MAP2: variants seen among roughly 807,000 people sequenced by gnomAD.
MAP2 encodes the protein microtubule associated protein 2.
A neutral mutation model predicts 137.6 loss-of-function variants in MAP2; 14 were observed. The ratio of observed to expected loss-of-function variants is 0.10; its 90% CI spans 0.07 to 0.16. The LOEUF (loss-of-function observed/expected upper bound fraction) is 0.16, where lower values mean the gene tolerates loss of function less well. MAP2 is among the 10% of genes least tolerant of loss of function. The pLI is 1.00. For synonymous variants in MAP2, 786 were observed against 782.3 expected, an observed-to-expected ratio of 1.00 and a Z score of -0.08; for missense variants, 2,088 against 2,191.5, an observed-to-expected ratio of 0.95 and a Z score of 0.94.
chr2:209,588,931 C>T (rs2078495763), intron 3 of MAP2, among the ~76,000 whole-genome samples: 1 of 152,020 alleles, frequency 6.6e-6, no homozygotes, highest in Non-Finnish European at 1.5e-5. Context: ...AACTCATGAG[C>T]CTGAGAAATT....
At chr2:209,680,692 T>A in intron 6 of MAP2, 58 bp from the exon 7 acceptor site, 1 of 1,433,406 alleles carries the variant, frequency 7.0e-7, no homozygotes, top group South Asian at 1.1e-5. Context: ...TTCCTACACA[T>A]CTACCAGCCT....
intron 3 of MAP2, among the ~76,000 whole-genome samples, chr2:209,614,131 C>G (rs2088105505): frequency 6.6e-6 from 1 of 152,028 alleles, no homozygotes; most frequent in African/African-American, 2.4e-5. Flanking sequence ...TGTGCCCCTC[C>G]TCCTGTGTTG....
intron 3 of MAP2, among the ~76,000 whole-genome samples, chr2:209,619,201 A>C (rs940618577): frequency 1.3e-5 from 2 of 152,042 alleles, no homozygotes; most frequent in Admixed American, 1.3e-4. Flanking sequence ...AATTCAAGAG[A>C]TCTATTATAC....
Position 209,678,539 on chromosome 2 carries a change from CGTTATATTTTATTTT to C in MAP2, c.263-28_263-14del. 8.9e-7 allele frequency: 1 copy of C among 1,119,350 alleles called. No homozygotes were observed. Among genetic ancestry groups the C allele is most frequent in the Non-Finnish European group, 1.3e-6 (1 of 774,438 alleles). The allele number at this position is 1,119,350 out of a possible 1,614,324, so 69.3% of individuals were successfully genotyped here. A position where few individuals can be genotyped will look rare whatever the true frequency, so the allele number is the denominator to read the frequency against. On this transcript the variant is annotated intron_variant, in intron 5 of 15. Transcript: ENST00000682079. ...CTCTTTGCTTTCTCAGACTTCTCAT[CGTTATATTTTATTTT>C]GTTACTGTTTATTACAGAGGAGGTG... is the stretch of plus-strand genomic sequence containing the variant.
At chr2:209,628,881 C>A (rs1055403754) in intron 4 of MAP2, among the ~76,000 whole-genome samples, 1 of 152,140 alleles carries the variant, frequency 6.6e-6, no homozygotes, top group Non-Finnish European at 1.5e-5. Context: ...CAAGGGTTAC[C>A]ATGGAACAAT....
intron 5 of MAP2, among the ~76,000 whole-genome samples, chr2:209,676,222 G>A (rs1404552666): frequency 6.6e-6 from 1 of 151,898 alleles, no homozygotes; most frequent in Non-Finnish European, 1.5e-5. Flanking sequence ...TAAAGAACAA[G>A]ATCATGTATT....
intron 1 of MAP2, among the ~76,000 whole-genome samples, chr2:209,473,506 G>T (rs1416312333): frequency 6.6e-6 from 1 of 152,018 alleles, no homozygotes; most frequent in Non-Finnish European, 1.5e-5. Flanking sequence ...GTTTGCTTTT[G>T]TCACATATGT....
At chr2:209,474,250 G>A (rs1454990300) in intron 1 of MAP2, among the ~76,000 whole-genome samples, 1 of 152,112 alleles carries the variant, frequency 6.6e-6, no homozygotes, top group Non-Finnish European at 1.5e-5. Flanking sequence ...CTAAGTTTTA[G>A]GAAGTCACTG....
chr2:209,693,721 G>A lies in MAP2; in HGVS notation c.1551G>A (p.Leu517=). 1.2e-6 allele frequency: 2 copies of A among 1,613,152 alleles called. No individual in the cohort carries two copies. The highest frequency in any genetic ancestry group is 1.7e-5 in the Admixed American group (1 of 59,856). The change falls in exon 8 of 16, where the codon CTG becomes CTA. Residue 517 remains leucine, a synonymous_variant. Transcript: ENST00000682079. ...VTDSAMTSKT[L]EKAMTEPSAL... ...ATTCAGCCATGACCTCTAAAACACT[G>A]GAGAAAGCCATGACCGAACCATCTG... is the stretch of plus-strand genomic sequence containing the variant.
intron 3 of MAP2, among the ~76,000 whole-genome samples, chr2:209,602,346 G>A (rs1010217384): frequency 6.6e-6 from 1 of 152,100 alleles, no homozygotes; most frequent in African/African-American, 2.4e-5. Flanking sequence ...ATTAACAAAG[G>A]ATGCAAAGGT....
chr2:209,621,307 G>A (rs1222507426), intron 3 of MAP2, among the ~76,000 whole-genome samples: 2 of 142,456 alleles, frequency 1.4e-5, no homozygotes, highest in African/African-American at 5.4e-5. Flanking sequence ...CACCCAGGCT[G>A]GAGTACAATG....
intron 3 of MAP2, among the ~76,000 whole-genome samples, chr2:209,599,204 G>A (rs947128528): frequency 1.3e-4 from 20 of 152,034 alleles, no homozygotes; most frequent in East Asian, 5.8e-4. Context: ...GCCAGTGATG[G>A]TGAGCATTTT....
At chr2:209,468,506 C>T (rs1402069921) in intron 1 of MAP2, among the ~76,000 whole-genome samples, 1 of 151,126 alleles carries the variant, frequency 6.6e-6, no homozygotes, top group Non-Finnish European at 1.5e-5. Flanking sequence ...ATTTTTAGTA[C>T]AGACGAGGTT....
chr2:209,577,578 G>A (rs572047243), intron 2 of MAP2, among the ~76,000 whole-genome samples: 7 of 152,094 alleles, frequency 4.6e-5, no homozygotes, highest in Non-Finnish European at 1.0e-4. Context: ...TCCAGTGGTT[G>A]TTTTGGAATG....
chr2:209,721,076 A>G (rs1225215730), intron 13 of MAP2, among the ~76,000 whole-genome samples: 1 of 152,132 alleles, frequency 6.6e-6, no homozygotes, highest in Non-Finnish European at 1.5e-5. Flanking sequence ...AATTATTTGT[A>G]ATTGACCCTA....
chr2:209,611,680 A>G (rs1462215664), intron 3 of MAP2, among the ~76,000 whole-genome samples: 1 of 152,102 alleles, frequency 6.6e-6, no homozygotes, highest in Admixed American at 6.6e-5. Flanking sequence ...ATATGAGTCC[A>G]TAACAGTGTT....
intron 1 of MAP2, among the ~76,000 whole-genome samples, chr2:209,459,143 A>G (rs1252557421): frequency 6.6e-6 from 1 of 152,152 alleles, no homozygotes; most frequent in Non-Finnish European, 1.5e-5. Flanking sequence ...TAAGAGAATG[A>G]GTTATGTAGT....
At chr2:209,619,736 T>C (rs2090578343) in intron 3 of MAP2, among the ~76,000 whole-genome samples, 1 of 152,220 alleles carries the variant, frequency 6.6e-6, no homozygotes, top group Non-Finnish European at 1.5e-5. Flanking sequence ...TGTTATTTAT[T>C]TTCAACCTTT....
chr2:209,465,791 C>G lies in MAP2; in HGVS notation c.-222+41515C>G, dbSNP rs189344540. Among the ~76,000 whole-genome samples the G allele has an allele frequency of 4.6e-5, 7 of 152,202 alleles. No homozygotes were observed. In the East Asian group the frequency reaches 1.4e-3, roughly 29 times the overall value. On this transcript the variant is annotated intron_variant, in intron 1 of 15. Coordinates refer to ENST00000682079, the MANE Select transcript of MAP2 (RefSeq NM_001375505.1). ...ACACATGTTGGTTCTTGAGAGATTTCCCTTCTCCTGTTCTAGTTGTGCAGA... is the reference window on the plus strand; with the variant it reads ...ACACATGTTGGTTCTTGAGAGATTTGCCTTCTCCTGTTCTAGTTGTGCAGA...
Sources: allele counts gnomAD v4.1 joint callset (sites outside exome capture counted in the v4.1 genomes callset), GRCh38; gene constraint gnomAD v4.1.1; transcripts MANE v1.5; gene names NCBI Gene and HGNC (gene_info 2026-07-23, HGNC 2026-07-21).